Variants in CDK15 observed in about 807,000 individuals in gnomAD.
CDK15 encodes cyclin-dependent kinase 15.
A neutral mutation model predicts 60.3 loss-of-function variants in CDK15; 62 were observed. The observed-to-expected ratio is 1.03, with a 90% CI of 0.84 to 1.27. The LOEUF (loss-of-function observed/expected upper bound fraction) is 1.27. Ranked by LOEUF, CDK15 falls within the 50% of genes most tolerant of loss-of-function variation. The probability of loss-of-function intolerance (pLI) is 0.00; values close to 1 mark genes in which losing one functional copy is unlikely to be tolerated. For synonymous variants in CDK15, 194 were observed against 195.7 expected (o/e 0.99, Z 0.07); for missense variants, 541 against 527.8 (o/e 1.03, Z -0.25).
intron 9 of CDK15, 97 bp from the exon 10 acceptor site, chr2:201,854,777 C>T (rs528295236): frequency 1.0e-6 from 1 of 984,138 alleles, no homozygotes; most frequent in African/African-American, 1.6e-5. Context: ...TGACGCTTCC[C>T]TGTTCTTCCC....
intron 10 of CDK15, among the ~76,000 whole-genome samples, chr2:201,859,413 G>A (rs1698287958): frequency 6.6e-6 from 1 of 152,160 alleles, no homozygotes; most frequent in Non-Finnish European, 1.5e-5. Context: ...ATGCACTCAG[G>A]AGCCACTCCG....
At chr2:201,849,116 G>T (rs529912491) in intron 9 of CDK15, among the ~76,000 whole-genome samples, 1 of 152,344 alleles carries the variant, frequency 6.6e-6, no homozygotes, top group Admixed American at 6.5e-5. Context: ...ACATGGGCAA[G>T]TTATGTAGTC....
intron 10 of CDK15, among the ~76,000 whole-genome samples, chr2:201,867,022 T>G (rs1311758569): frequency 6.6e-6 from 1 of 152,196 alleles, no homozygotes; most frequent in Non-Finnish European, 1.5e-5. Flanking sequence ...CCTGGGGTCC[T>G]GGGGCAACTA....
intron 9 of CDK15, chr2:201,854,653 G>A (rs1698063822): frequency 1.9e-6 from 1 of 537,210 alleles, no homozygotes; most frequent in South Asian, 2.8e-5. Flanking sequence ...TAAGAATGCA[G>A]GCCCCGGACC....
chr2:201,874,639 C>A (rs1459967450), intron 11 of CDK15, among the ~76,000 whole-genome samples: 2 of 152,096 alleles, frequency 1.3e-5, no homozygotes, highest in African/African-American at 4.8e-5. Context: ...TCTACACAAT[C>A]CCTTCAGAGG....
intron 11 of CDK15, among the ~76,000 whole-genome samples, chr2:201,877,299 G>A (rs1699113346): frequency 6.6e-6 from 1 of 152,198 alleles, no homozygotes. Flanking sequence ...CTACAGGGCA[G>A]TTCAGGAGCC....
Position 201,882,073 on chromosome 2 carries a change from A to T in CDK15, c.1198+1906A>T, listed in dbSNP as rs1019893688. On this transcript the variant is annotated intron_variant, in intron 12 of 13. Coordinates refer to ENST00000652192, the MANE Select transcript of CDK15 (RefSeq NM_001366386.2). This position sits in a 1 kb window ranked among gnomAD's most constrained non-coding sequence, Gnocchi z 4.0. ...GAAGAAACAATCACTGTCCAAACTGATGTGTTGTTAGAAACTTGGGTTTTG... is the reference window on the plus strand; with the variant it reads ...GAAGAAACAATCACTGTCCAAACTGTTGTGTTGTTAGAAACTTGGGTTTTG... Among the ~76,000 whole-genome samples, 1 of 152,014 alleles carries T rather than the reference A, an allele frequency of 6.6e-6. No homozygotes were observed. The highest frequency in any genetic ancestry group is 1.5e-5 in the Non-Finnish European group (1 of 68,010).
intron 9 of CDK15, among the ~76,000 whole-genome samples, chr2:201,852,981 A>G (rs939163541): frequency 6.6e-6 from 1 of 152,212 alleles, no homozygotes; most frequent in Non-Finnish European, 1.5e-5. Flanking sequence ...AGTGGTTGTC[A>G]CCTATTTCTT....
chr2:201,808,531 C>A (rs978342794), intron 3 of CDK15: 2 of 152,186 alleles, frequency 1.3e-5, no homozygotes, highest in Non-Finnish European at 2.9e-5. Flanking sequence ...TTTTGGTAAA[C>A]AACCAACTTT....
chr2:201,880,048 C>T lies in CDK15; in HGVS notation c.1079C>T (p.Ala360Val). 1 of 1,614,114 alleles carries T rather than the reference C, an allele frequency of 6.2e-7. No homozygotes were observed. Among genetic ancestry groups the T allele is most frequent in the Non-Finnish European group, 8.5e-7 (1 of 1,180,002 alleles). ...VWNRLGRVPE[A>V]EDLASQMLKG... ...TCCAGGCTGGGCAGGGTTCCTGAAGCTGAAGACCTGGCCTCCCAGATGCTA... is the reference window on the plus strand; with the variant it reads ...TCCAGGCTGGGCAGGGTTCCTGAAGTTGAAGACCTGGCCTCCCAGATGCTA... The change falls in exon 12 of 14, where the codon GCT (alanine) becomes GTT (valine). Residue 360 changes from alanine to valine, a missense_variant. By Grantham distance (64) the Ala-to-Val change is moderately conservative. Transcript: ENST00000652192.
At chr2:201,843,081 G>A (rs1697473365) in intron 8 of CDK15, among the ~76,000 whole-genome samples, 1 of 152,278 alleles carries the variant, frequency 6.6e-6, no homozygotes, top group African/African-American at 2.4e-5. Flanking sequence ...ATAGTCTGTG[G>A]TGGGCAAAAT....
intron 6 of CDK15, among the ~76,000 whole-genome samples, chr2:201,830,254 A>C (rs1050811669): frequency 2.0e-5 from 3 of 152,152 alleles, no homozygotes; most frequent in African/African-American, 7.2e-5. Context: ...ATATCAATAT[A>C]TTAGATTTTA....
chr2:201,815,407 G>A (rs1193265386), intron 4 of CDK15, among the ~76,000 whole-genome samples: 1 of 152,110 alleles, frequency 6.6e-6, no homozygotes, highest in Non-Finnish European at 1.5e-5. Flanking sequence ...ACTATGACCA[G>A]GTACTCTGCC....
At chr2:201,876,412 C>G in intron 11 of CDK15, 1 of 405,676 alleles carries the variant, frequency 2.5e-6, no homozygotes, top group Admixed American at 3.0e-5. Flanking sequence ...GGGGCACTTG[C>G]CAAAGGCCCA....
At chr2:201,832,549 T>C (rs1280980431) in intron 6 of CDK15, among the ~76,000 whole-genome samples, 1 of 152,166 alleles carries the variant, frequency 6.6e-6, no homozygotes, top group African/African-American at 2.4e-5. Context: ...ATTTGAAGCA[T>C]CAGAAAGAGA....
At chr2:201,868,123 G>C (rs146560028) in intron 10 of CDK15, among the ~76,000 whole-genome samples, 1 of 152,278 alleles carries the variant, frequency 6.6e-6, no homozygotes, top group East Asian at 1.9e-4. Context: ...TAGAATTTTA[G>C]TAGAAGACAT....
intron 13 of CDK15, among the ~76,000 whole-genome samples, chr2:201,892,847 T>C (rs759365136): frequency 2.0e-5 from 3 of 152,236 alleles, no homozygotes; most frequent in Non-Finnish European, 4.4e-5. Flanking sequence ...TAAATTGGCG[T>C]ATTAGGACTT....
chr2:201,878,553 G>A (rs75109693), intron 11 of CDK15, among the ~76,000 whole-genome samples: 133 of 152,246 alleles, frequency 8.7e-4, no homozygotes, highest in Non-Finnish European at 1.7e-3. Flanking sequence ...CTTAAAATAA[G>A]GTCAACTTGA....
chr2:201,866,209 G>T (rs1160569183), intron 10 of CDK15, among the ~76,000 whole-genome samples: 2 of 152,048 alleles, frequency 1.3e-5, no homozygotes, highest in African/African-American at 4.8e-5. Context: ...AATTCCAGAG[G>T]TGTAGTTCAG....
Sources: allele counts gnomAD v4.1 joint callset (sites outside exome capture counted in the v4.1 genomes callset), GRCh38; gene constraint gnomAD v4.1.1; non-coding constraint Gnocchi (gnomAD v3.1); transcripts MANE v1.5; gene names NCBI Gene and HGNC (gene_info 2026-07-23, HGNC 2026-07-21).